RANBP2: variants seen among roughly 807,000 people sequenced by gnomAD.
The protein encoded by RANBP2 is E3 SUMO-protein ligase RanBP2.
In RANBP2, 57 loss-of-function variants were observed where a neutral mutation model predicts 303.6. The ratio of observed to expected loss-of-function variants is 0.19; its 90% confidence interval spans 0.15 to 0.23. The LOEUF (loss-of-function observed/expected upper bound fraction) is 0.23. Ranked by LOEUF, RANBP2 falls within the 10% of genes least tolerant of loss-of-function variation. RANBP2 has a pLI of 1.00. For synonymous variants in RANBP2, 1,167 were observed against 1,301.5 expected (o/e 0.90, Z 2.23); for missense variants, 3,138 against 3,780.8 (o/e 0.83, Z 4.46).
At chr2:109,568,798 T>C in the RANBP2 span, among the ~76,000 whole-genome samples, 1 of 152,154 alleles carries the variant, frequency 6.6e-6, no homozygotes, top group Non-Finnish European at 1.5e-5. Flanking sequence ...ACTGACTCCA[T>C]GCCTACCTGT....
At chr2:109,706,812 C>T in the RANBP2 span, among the ~76,000 whole-genome samples, 2,270 of 152,284 alleles carry the variant, frequency 0.015, 24 homozygotes, top group South Asian at 0.056. Flanking sequence ...GATGGAGCAC[C>T]CAGGGGTTCT....
the RANBP2 span, among the ~76,000 whole-genome samples, chr2:109,625,024 T>C: frequency 7.1e-6 from 1 of 140,986 alleles, no homozygotes; most frequent in African/African-American, 2.7e-5. Context: ...GAGCTTTTAG[T>C]GAGTGGAGAT....
At chr2:109,429,976 C>G in the RANBP2 span, among the ~76,000 whole-genome samples, 1 of 152,200 alleles carries the variant, frequency 6.6e-6, no homozygotes, top group Non-Finnish European at 1.5e-5. Flanking sequence ...CAGAGCACAG[C>G]CCACCCCACA....
chr2:109,517,220 C>T, the RANBP2 span, among the ~76,000 whole-genome samples: 1 of 152,170 alleles, frequency 6.6e-6, no homozygotes, highest in African/African-American at 2.4e-5. Flanking sequence ...TGCTGTCCTC[C>T]CCTGTTGCCA....
chr2:109,152,250 A>G, the RANBP2 span, among the ~76,000 whole-genome samples: 1 of 152,264 alleles, frequency 6.6e-6, no homozygotes, highest in African/African-American at 2.4e-5. Context: ...GACAGGCAGT[A>G]CCTATAATCA....
the RANBP2 span, among the ~76,000 whole-genome samples, chr2:109,426,486 T>C: frequency 6.6e-6 from 1 of 152,260 alleles, no homozygotes; most frequent in African/African-American, 2.4e-5. Flanking sequence ...GAATTAGAAA[T>C]TGAACCTGAA....
At chr2:109,216,733 A>G in the RANBP2 span, among the ~76,000 whole-genome samples, 2 of 152,244 alleles carry the variant, frequency 1.3e-5, no homozygotes, top group Non-Finnish European at 2.9e-5. Flanking sequence ...ATCATTTGCT[A>G]GGACCTGATT....
At chr2:108,831,827 G>C in the RANBP2 span, among the ~76,000 whole-genome samples, 2 of 151,904 alleles carry the variant, frequency 1.3e-5, no homozygotes, top group African/African-American at 4.8e-5. Context: ...CTGCCTCCTG[G>C]GTTCAAGCGA....
At chr2:109,507,889 G>A in the RANBP2 span, among the ~76,000 whole-genome samples, 85 of 152,296 alleles carry the variant, frequency 5.6e-4, no homozygotes, top group African/African-American at 1.9e-3. Flanking sequence ...TAGGGATGTG[G>A]GATATCTTGC....
chr2:108,984,646 A>G, the RANBP2 span, among the ~76,000 whole-genome samples: 1 of 151,200 alleles, frequency 6.6e-6, no homozygotes, highest in Non-Finnish European at 1.5e-5. Flanking sequence ...GGCCCCCACT[A>G]CTACCCTGGG....
chr2:109,501,121 G>C, the RANBP2 span, among the ~76,000 whole-genome samples: 1 of 152,186 alleles, frequency 6.6e-6, no homozygotes, highest in Admixed American at 6.5e-5. Flanking sequence ...TGGGGCAAAT[G>C]GGGACACAGT....
At chr2:109,408,530 A>C in the RANBP2 span, among the ~76,000 whole-genome samples, 1 of 152,198 alleles carries the variant, frequency 6.6e-6, no homozygotes, top group Non-Finnish European at 1.5e-5. Context: ...GCTCACGCCC[A>C]GGCCGGGTTC....
At chr2:108,774,192 A>C (rs1677710927) in intron 23 of RANBP2, among the ~76,000 whole-genome samples, 1 of 152,220 alleles carries the variant, frequency 6.6e-6, no homozygotes. Context: ...GTCATGGTAC[A>C]ATTTTGTTAT....
chr2:108,782,918 A>C, intron 28 of RANBP2, 56 bp downstream of exon 28: 2 of 1,459,754 alleles, frequency 1.4e-6, no homozygotes, highest in Non-Finnish European at 1.9e-6. Context: ...CACCACACTA[A>C]TGGGAAATTT....
the RANBP2 span, among the ~76,000 whole-genome samples, chr2:109,473,213 G>A: frequency 3.1e-3 from 479 of 152,318 alleles, 6 homozygotes; most frequent in Admixed American, 0.022. Context: ...ACATACGAGC[G>A]CCTCACACAG....
the RANBP2 span, among the ~76,000 whole-genome samples, chr2:109,359,006 G>A: frequency 2.6e-5 from 4 of 152,248 alleles, no homozygotes; most frequent in South Asian, 8.3e-4. Context: ...TGGATGTCTA[G>A]TTTTCCTACC....
the RANBP2 span, among the ~76,000 whole-genome samples, chr2:109,709,365 AATAAT>A: frequency 8.0e-4 from 119 of 149,578 alleles, 2 homozygotes; most frequent in African/African-American, 2.3e-3. Flanking sequence ...AATAAAATAA[AATAAT>A]AAAAATAACA....
chr2:109,635,614 G>A, the RANBP2 span, among the ~76,000 whole-genome samples: 1 of 152,208 alleles, frequency 6.6e-6, no homozygotes, highest in Non-Finnish European at 1.5e-5. Flanking sequence ...ATCCAAAAAG[G>A]GAGCTGAGCC....
chr2:108,759,997 T>C (rs1676612025), intron 18 of RANBP2, among the ~76,000 whole-genome samples: 1 of 152,166 alleles, frequency 6.6e-6, no homozygotes, highest in African/African-American at 2.4e-5. Context: ...CCAAATGGAT[T>C]ATTTACAGGT....
Sources: allele counts gnomAD v4.1 joint callset (sites outside exome capture counted in the v4.1 genomes callset), GRCh38; gene constraint gnomAD v4.1.1; transcripts MANE v1.5; gene names NCBI Gene and HGNC (gene_info 2026-07-23, HGNC 2026-07-21).